The following SUSD6 variants were observed in gnomAD, a reference collection of about 807,000 sequenced individuals.
SUSD6 encodes sushi domain-containing protein 6.
In SUSD6, 16 loss-of-function variants were observed where a neutral mutation model predicts 28.4. The ratio of observed to expected loss-of-function variants is 0.56; its 90% CI spans 0.38 to 0.86. The LOEUF (loss-of-function observed/expected upper bound fraction) is 0.86, where lower values mean the gene tolerates loss of function less well. Ranked by LOEUF, SUSD6 falls within the 40% of genes least tolerant of loss-of-function variation. SUSD6 has a pLI of 0.00. For missense variants in SUSD6, 341 were observed against 384.2 expected (o/e 0.89, Z 0.94); for synonymous variants, 147 against 159.6 (o/e 0.92, Z 0.59).
intron 1 of SUSD6, among the ~76,000 whole-genome samples, chr14:69,636,092 G>A (rs1885261597): frequency 6.6e-6 from 1 of 152,230 alleles, no homozygotes; most frequent in Non-Finnish European, 1.5e-5. Flanking sequence ...TATGAGAAGA[G>A]GAGGAATTGT....
intron 2 of SUSD6, among the ~76,000 whole-genome samples, chr14:69,677,822 T>C (rs924717013): frequency 2.6e-5 from 4 of 152,174 alleles, no homozygotes; most frequent in African/African-American, 9.7e-5. Context: ...TGTTAAGAAG[T>C]GATATGCCTT....
intron 1 of SUSD6, among the ~76,000 whole-genome samples, chr14:69,629,121 G>T (rs1013681750): frequency 6.6e-6 from 1 of 152,040 alleles, no homozygotes; most frequent in Admixed American, 6.5e-5. Flanking sequence ...GGTAGGGCCA[G>T]GTGGGAGTTG....
At chr14:69,612,073 G>T (rs1298083456) in intron 1 of SUSD6, among the ~76,000 whole-genome samples, 1 of 150,822 alleles carries the variant, frequency 6.6e-6, no homozygotes, top group Non-Finnish European at 1.5e-5. Flanking sequence ...GGGGCTGCGC[G>T]GCCGGGGGGA....
At chr14:69,653,872 T>A (rs1334654417) in intron 1 of SUSD6, among the ~76,000 whole-genome samples, 1 of 151,578 alleles carries the variant, frequency 6.6e-6, no homozygotes, top group African/African-American at 2.4e-5. Flanking sequence ...CTGTGGCCCT[T>A]TCTCCACAGT....
intron 5 of SUSD6, among the ~76,000 whole-genome samples, chr14:69,709,355 C>T (rs1249431737): frequency 3.3e-5 from 5 of 152,090 alleles, no homozygotes; most frequent in Non-Finnish European, 7.4e-5. Flanking sequence ...TTCATAGTCA[C>T]AGAGCCTTGC....
intron 2 of SUSD6, among the ~76,000 whole-genome samples, chr14:69,671,954 G>A (rs1274529541): frequency 6.6e-6 from 1 of 152,210 alleles, no homozygotes; most frequent in African/African-American, 2.4e-5. Context: ...AGTTAAGATT[G>A]TGAATAATAG....
chr14:69,620,033 G>C (rs1885014789), intron 1 of SUSD6, among the ~76,000 whole-genome samples: 1 of 152,228 alleles, frequency 6.6e-6, no homozygotes. Flanking sequence ...GAAAGCCGGT[G>C]AACAGAGTCT....
At chr14:69,686,523 A>G (rs1041674157) in intron 2 of SUSD6, among the ~76,000 whole-genome samples, 1 of 152,330 alleles carries the variant, frequency 6.6e-6, no homozygotes, top group East Asian at 1.9e-4. Context: ...CACGCTGCTG[A>G]TAAAGACATA....
At chr14:69,659,047 C>T (rs1413211110) in intron 2 of SUSD6, among the ~76,000 whole-genome samples, 6 of 152,158 alleles carry the variant, frequency 3.9e-5, no homozygotes, top group Non-Finnish European at 8.8e-5. Context: ...GTTCAGTGCC[C>T]ATTCTCACTA....
rs1400047103 is a variant in SUSD6, at chr14:69,713,245, T to G, written c.*2266T>G. The G allele has an allele frequency of 6.6e-6, 1 of 152,288 alleles. No homozygotes were observed. The allele number at this position is 152,288 out of a possible 1,614,324, so 9.4% of individuals were successfully genotyped here. A position where few individuals can be genotyped will look rare whatever the true frequency, so the allele number is the denominator to read the frequency against. On this transcript the variant is annotated 3_prime_UTR_variant, in exon 6 of 6. Transcript: ENST00000342745. ...TGATCCCTGGTGAAATGAAAAGCCT[T>G]CCTTCTCCTGAAGCCTCTTTCCGCC...
intron 2 of SUSD6, among the ~76,000 whole-genome samples, chr14:69,687,862 T>G (rs1886096168): frequency 6.6e-6 from 1 of 152,212 alleles, no homozygotes; most frequent in African/African-American, 2.4e-5. Flanking sequence ...ATTAGATGCT[T>G]TTTTTTCTTT....
intron 2 of SUSD6, among the ~76,000 whole-genome samples, chr14:69,678,728 C>T (rs899826384): frequency 4.6e-5 from 7 of 152,106 alleles, no homozygotes; most frequent in South Asian, 2.1e-4. Context: ...ACTTGAGTCC[C>T]GGAGGCCAAG....
At chr14:69,670,061 A>G (rs1022887873) in intron 2 of SUSD6, among the ~76,000 whole-genome samples, 1 of 152,184 alleles carries the variant, frequency 6.6e-6, no homozygotes, top group Non-Finnish European at 1.5e-5. Flanking sequence ...GGGTTTTGGT[A>G]GGGTTGCTGT....
At chr14:69,629,894 G>A (rs567288286) in intron 1 of SUSD6, among the ~76,000 whole-genome samples, 4 of 152,156 alleles carry the variant, frequency 2.6e-5, no homozygotes, top group Non-Finnish European at 4.4e-5. Flanking sequence ...TCCCACGGTC[G>A]GCGGTTGAAC....
intron 1 of SUSD6, among the ~76,000 whole-genome samples, chr14:69,639,820 C>G (rs1280160742): frequency 3.3e-5 from 5 of 152,100 alleles, no homozygotes; most frequent in African/African-American, 9.7e-5. Context: ...CACCTTACCC[C>G]CAAGGTGTGA....
intron 2 of SUSD6, among the ~76,000 whole-genome samples, chr14:69,691,681 A>G (rs536276163): frequency 6.6e-6 from 1 of 152,144 alleles, no homozygotes; most frequent in Non-Finnish European, 1.5e-5. Context: ...TAGCCCTCTA[A>G]TTCCAGGTCA....
At chr14:69,648,545 A>G (rs1885460087) in intron 1 of SUSD6, among the ~76,000 whole-genome samples, 1 of 152,180 alleles carries the variant, frequency 6.6e-6, no homozygotes, top group South Asian at 2.1e-4. Context: ...GAGTTTTTAA[A>G]GTTTATTTTT....
chr14:69,678,006 C>T (rs1474511728), intron 2 of SUSD6, among the ~76,000 whole-genome samples: 1 of 152,162 alleles, frequency 6.6e-6, no homozygotes, highest in Non-Finnish European at 1.5e-5. Context: ...CCAGAGATGA[C>T]CAGTATCCTA....
chr14:69,659,108 G>GT (rs1188189654), intron 2 of SUSD6, among the ~76,000 whole-genome samples: 1 of 152,220 alleles, frequency 6.6e-6, no homozygotes, highest in Non-Finnish European at 1.5e-5. Flanking sequence ...GCAAGGCTCT[G>GT]TTTCCTCAGC....
Sources: allele counts gnomAD v4.1 joint callset (sites outside exome capture counted in the v4.1 genomes callset), GRCh38; gene constraint gnomAD v4.1.1; transcripts MANE v1.5; gene names NCBI Gene and HGNC (gene_info 2026-07-23, HGNC 2026-07-21).